Variants in UBE2E2 observed in about 807,000 individuals in gnomAD.
UBE2E2 encodes the protein ubiquitin-conjugating enzyme E2 E2.
UBE2E2 carries 6 observed loss-of-function variants against 24.7 expected under a neutral mutation model. The observed-to-expected ratio is 0.24, with a 90% CI of 0.13 to 0.48. The LOEUF (loss-of-function observed/expected upper bound fraction) is 0.48. UBE2E2 is among the 20% of genes least tolerant of loss of function. The pLI is 0.99. For synonymous variants in UBE2E2, 104 were observed against 83.6 expected (o/e 1.24, Z -1.33); for missense variants, 169 against 245.0 (o/e 0.69, Z 2.07).
intron 5 of UBE2E2, among the ~76,000 whole-genome samples, chr3:23,568,636 CATAT>C (rs1696140683): frequency 6.8e-6 from 1 of 147,252 alleles, no homozygotes. Flanking sequence ...TATATGTATA[CATAT>C]ATACGCACAT....
intron 3 of UBE2E2, among the ~76,000 whole-genome samples, chr3:23,470,598 G>A (rs1029752485): frequency 6.6e-6 from 1 of 152,126 alleles, no homozygotes; most frequent in African/African-American, 2.4e-5. Flanking sequence ...TTAAGTCTTT[G>A]TAAACTTAGT....
chr3:23,317,630 C>G (rs879514533), intron 3 of UBE2E2, among the ~76,000 whole-genome samples: 5 of 152,114 alleles, frequency 3.3e-5, no homozygotes, highest in Non-Finnish European at 7.4e-5. Context: ...ACTTGAATGG[C>G]AGCAGACAGA....
At chr3:23,464,314 GTAGT>G (rs1559391805) in intron 3 of UBE2E2, among the ~76,000 whole-genome samples, 3 of 152,130 alleles carry the variant, frequency 2.0e-5, no homozygotes, top group Non-Finnish European at 4.4e-5. Flanking sequence ...TAGTTAAACT[GTAGT>G]GTAATTGCAG....
chr3:23,284,422 T>C (rs1393333468), intron 3 of UBE2E2, among the ~76,000 whole-genome samples: 1 of 152,140 alleles, frequency 6.6e-6, no homozygotes, highest in Non-Finnish European at 1.5e-5. Flanking sequence ...TCTTTCCCAT[T>C]GTTTTGACTA....
intron 3 of UBE2E2, among the ~76,000 whole-genome samples, chr3:23,453,684 G>A (rs1698615742): frequency 6.6e-6 from 1 of 152,084 alleles, no homozygotes; most frequent in Admixed American, 6.6e-5. Flanking sequence ...GCATATTAAC[G>A]ACTTTATAAA....
intron 3 of UBE2E2, among the ~76,000 whole-genome samples, chr3:23,335,648 C>A (rs1177254036): frequency 1.3e-5 from 2 of 152,148 alleles, no homozygotes; most frequent in Non-Finnish European, 2.9e-5. Context: ...GATCATCCCA[C>A]CTCAGCCTCC....
chr3:23,467,711 G>A (rs898848356), intron 3 of UBE2E2, among the ~76,000 whole-genome samples: 4 of 152,068 alleles, frequency 2.6e-5, no homozygotes, highest in Non-Finnish European at 4.4e-5. Flanking sequence ...AGCTATATTA[G>A]TACGTTCTCA....
At chr3:23,251,049 G>A (rs968559572) in intron 3 of UBE2E2, among the ~76,000 whole-genome samples, 2 of 152,168 alleles carry the variant, frequency 1.3e-5, no homozygotes, top group Non-Finnish European at 2.9e-5. Flanking sequence ...TGTAAAGACA[G>A]GGTCTTGCTA....
At chr3:23,490,967 C>T (rs933059096) in intron 3 of UBE2E2, among the ~76,000 whole-genome samples, 1 of 151,984 alleles carries the variant, frequency 6.6e-6, no homozygotes, top group African/African-American at 2.4e-5. Flanking sequence ...CAAAAAAGTA[C>T]AAAATAATTA....
At chr3:23,225,142 G>A (rs960980793) in intron 3 of UBE2E2, among the ~76,000 whole-genome samples, 4 of 151,614 alleles carry the variant, frequency 2.6e-5, no homozygotes, top group South Asian at 2.1e-4. Context: ...ATGACTTGTC[G>A]TTTTATTGTT....
chr3:23,431,288 A>G (rs887958215), intron 3 of UBE2E2, among the ~76,000 whole-genome samples: 1 of 152,166 alleles, frequency 6.6e-6, no homozygotes, highest in African/African-American at 2.4e-5. Flanking sequence ...AGGAAGATGA[A>G]TCTGTTTGCT....
intron 3 of UBE2E2, among the ~76,000 whole-genome samples, chr3:23,494,993 T>C (rs1455826670): frequency 6.6e-6 from 1 of 152,152 alleles, no homozygotes; most frequent in South Asian, 2.1e-4. Flanking sequence ...CAGGCTGGTC[T>C]CAAACTCCTG....
At chr3:23,578,586 T>G (rs1403290137) in intron 5 of UBE2E2, among the ~76,000 whole-genome samples, 1 of 152,184 alleles carries the variant, frequency 6.6e-6, no homozygotes, top group Non-Finnish European at 1.5e-5. Context: ...CACCATAGAA[T>G]ACTGTGCAGC....
intron 3 of UBE2E2, among the ~76,000 whole-genome samples, chr3:23,219,389 G>A (rs1189570053): frequency 6.6e-6 from 1 of 152,126 alleles, no homozygotes; most frequent in Non-Finnish European, 1.5e-5. Context: ...GGACTGTTTG[G>A]TGTCAAATAT....
intron 4 of UBE2E2, among the ~76,000 whole-genome samples, chr3:23,522,128 A>ATT (rs34111484): frequency 8.1e-4 from 101 of 124,260 alleles, no homozygotes; most frequent in Admixed American, 2.0e-3. Context: ...TAACCAGCTA[A>ATT]TTTTTTTTTT....
At chr3:23,309,406 A>G (rs945462499) in intron 3 of UBE2E2, among the ~76,000 whole-genome samples, 1 of 152,228 alleles carries the variant, frequency 6.6e-6, no homozygotes, top group Admixed American at 6.5e-5. Context: ...TACCTCATTC[A>G]TTCATTGGCA....
At chr3:23,276,476 A>G (rs746868523) in intron 3 of UBE2E2, among the ~76,000 whole-genome samples, 2 of 152,128 alleles carry the variant, frequency 1.3e-5, no homozygotes, top group Non-Finnish European at 2.9e-5. Flanking sequence ...GAATCCTTCC[A>G]TGTCTTCAGA....
At chr3:23,579,506 A>G (rs984516712) in intron 5 of UBE2E2, among the ~76,000 whole-genome samples, 1 of 151,878 alleles carries the variant, frequency 6.6e-6, no homozygotes, top group African/African-American at 2.4e-5. Context: ...CCTGGGCAAC[A>G]TAGCAAGACC....
intron 3 of UBE2E2, among the ~76,000 whole-genome samples, chr3:23,383,837 T>A (rs1230332757): frequency 6.6e-6 from 1 of 152,106 alleles, no homozygotes; most frequent in Non-Finnish European, 1.5e-5. Context: ...ATGATTTTTT[T>A]TTAGGCTGCT....
Sources: allele counts gnomAD v4.1 joint callset (sites outside exome capture counted in the v4.1 genomes callset), GRCh38; gene constraint gnomAD v4.1.1; transcripts MANE v1.5; gene names NCBI Gene and HGNC (gene_info 2026-07-23, HGNC 2026-07-21).